The following SUGT1 variants were observed in gnomAD, a reference collection of about 807,000 sequenced individuals.
SUGT1 encodes the protein protein SGT1 homolog.
Under a neutral mutation model 56.1 loss-of-function variants are expected in SUGT1, and 15 were observed. That is an observed-to-expected ratio of 0.27 (90% CI 0.18 to 0.41). SUGT1 has a LOEUF of 0.41. Ranked by LOEUF, SUGT1 falls within the 10% of genes least tolerant of loss-of-function variation. SUGT1 has a pLI of 1.00. For missense variants in SUGT1, 347 were observed against 382.2 expected (o/e 0.91, Z 0.77); for synonymous variants, 123 against 128.6 (o/e 0.96, Z 0.30).
intron 8 of SUGT1, among the ~76,000 whole-genome samples, chr13:52,664,401 G>A (rs1328120781): frequency 6.6e-6 from 1 of 152,140 alleles, no homozygotes; most frequent in Non-Finnish European, 1.5e-5. Context: ...AACTTAACCT[G>A]CCTTTTATAT....
chr13:52,669,906 C>CAG (rs1962861591), intron 10 of SUGT1, among the ~76,000 whole-genome samples: 2 of 152,108 alleles, frequency 1.3e-5, no homozygotes, highest in South Asian at 2.1e-4. Context: ...GTTACTGAGG[C>CAG]TTACTTCGTG....
intron 10 of SUGT1, among the ~76,000 whole-genome samples, chr13:52,668,634 A>G (rs1334861462): frequency 6.6e-6 from 1 of 152,192 alleles, no homozygotes; most frequent in Non-Finnish European, 1.5e-5. Flanking sequence ...CACTGGTCCT[A>G]TCCACATAGT....
At chr13:52,657,997 G>A in intron 3 of SUGT1, 1 of 835,104 alleles carries the variant, frequency 1.2e-6, no homozygotes, top group Admixed American at 4.7e-5. Context: ...CAAAGCAGGA[G>A]GATCATTTGA....
At position 52,695,324 on chromosome 13, in the gene SUGT1, A is replaced by C. The variant is rs878936484; in HGVS notation, c.*7489A>C. On this transcript the variant is annotated 3_prime_UTR_variant, in exon 13 of 13. Transcript: ENST00000310528. ...TGACTTTAAAAAATTATACTTCACC[A>C]CAGAGACAGGTGTTGTTTTGTAATG... The C allele has an allele frequency of 2.0e-5, 3 of 152,170 alleles. No homozygotes were observed. Among genetic ancestry groups the C allele is most frequent in the African/African-American group, 7.2e-5 (3 of 41,434 alleles). The allele number at this position is 152,170 out of a possible 1,614,324, so 9.4% of individuals were successfully genotyped here.
intron 10 of SUGT1, among the ~76,000 whole-genome samples, chr13:52,674,444 A>G (rs1413700540): frequency 6.6e-6 from 1 of 152,206 alleles, no homozygotes; most frequent in Admixed American, 6.5e-5. Context: ...TTGAGACCAG[A>G]TACCCCACAT....
rs1431302341 is a variant in SUGT1, at chr13:52,687,693, A to T, written c.901-41A>T. 2.7e-6 allele frequency: 4 copies of T among 1,468,258 alleles called. No homozygotes were observed. In the East Asian group the frequency reaches 9.3e-5, roughly 34 times the overall value. The allele number at this position is 1,468,258 out of a possible 1,614,324, so 91.0% of individuals were successfully genotyped here. A position where few individuals can be genotyped will look rare whatever the true frequency, so the allele number is the denominator to read the frequency against. The stretch of plus-strand genomic sequence containing the variant: ...TTAAGAAAAATATTCTATTTTGATT[A>T]TATGGTCCAGGAATTAATCTATTTT... On this transcript the variant is annotated intron_variant, in intron 12 of 12. Transcript: ENST00000310528.
intron 6 of SUGT1, 79 bp from the exon 7 acceptor site, chr13:52,663,017 G>A: frequency 6.7e-7 from 1 of 1,485,860 alleles, no homozygotes; most frequent in South Asian, 1.2e-5. Flanking sequence ...CAGTATGTTT[G>A]TGCTATAGAA....
intron 2 of SUGT1, 111 bp downstream of exon 2, chr13:52,653,214 G>GT: frequency 7.7e-7 from 1 of 1,296,356 alleles, no homozygotes; most frequent in Non-Finnish European, 1.1e-6. Context: ...CCAGGCTCTT[G>GT]TTGATGCTGC....
chr13:52,683,622 T>A (rs1393898097), intron 12 of SUGT1, among the ~76,000 whole-genome samples: 7 of 152,236 alleles, frequency 4.6e-5, no homozygotes. Flanking sequence ...AAGCATTGCA[T>A]CCTCTTCTGT....
At chr13:52,665,259 C>G (rs1962647122) in intron 8 of SUGT1, among the ~76,000 whole-genome samples, 2 of 152,058 alleles carry the variant, frequency 1.3e-5, no homozygotes, top group Admixed American at 6.6e-5. Flanking sequence ...AAGTGTTTAT[C>G]TGTAGTATTT....
In SUGT1 at chr13:52,657,604, C is replaced by G. The variant is rs1336757729; in HGVS notation, c.169C>G (p.Leu57Val). The G allele has an allele frequency of 1.4e-5, 23 of 1,613,346 alleles. No homozygotes were observed. Among genetic ancestry groups the G allele is most frequent in the Non-Finnish European group, 1.9e-5 (23 of 1,179,654 alleles). Residue 57 changes from leucine (L) to valine (V), a missense_variant, in exon 3 of 13, where the codon CTT becomes GTT. Leu to Val is a conservative substitution (Grantham distance 32). Transcript: ENST00000310528. The part of the protein sequence containing the change: ...YYCQRAYCHI[L>V]LGNYCVAVAD... ...TTGTCAAAGAGCTTATTGTCACATT[C>G]TTCTTGGGAATTACTGTGGTAACGT...
At chr13:52,685,340 C>T (rs1198878296) in intron 12 of SUGT1, among the ~76,000 whole-genome samples, 1 of 151,030 alleles carries the variant, frequency 6.6e-6, no homozygotes, top group Non-Finnish European at 1.5e-5. Flanking sequence ...AGCAGTCCTC[C>T]TGCCTTGTCC....
chr13:52,663,416 G>A (rs1399935057), intron 7 of SUGT1, among the ~76,000 whole-genome samples: 1 of 152,062 alleles, frequency 6.6e-6, no homozygotes, highest in African/African-American at 2.4e-5. Flanking sequence ...CATTTATTTA[G>A]GTTCAACAGT....
chr13:52,665,141 T>C (rs1045204502), intron 8 of SUGT1, among the ~76,000 whole-genome samples: 2 of 152,194 alleles, frequency 1.3e-5, no homozygotes, highest in Non-Finnish European at 2.9e-5. Context: ...TTTTGTGTGC[T>C]CAAGTCTATC....
At chr13:52,669,719 A>G (rs1438377837) in intron 10 of SUGT1, among the ~76,000 whole-genome samples, 1 of 152,212 alleles carries the variant, frequency 6.6e-6, no homozygotes, top group Non-Finnish European at 1.5e-5. Context: ...ATATATATAT[A>G]TATGTGCACA....
chr13:52,684,445 T>C (rs1342059691), intron 12 of SUGT1, among the ~76,000 whole-genome samples: 1 of 151,902 alleles, frequency 6.6e-6, no homozygotes, highest in Non-Finnish European at 1.5e-5. Flanking sequence ...TATTCATTTC[T>C]ATTTTTATTT....
chr13:52,670,833 G>A (rs1012328847), intron 10 of SUGT1, among the ~76,000 whole-genome samples: 1 of 152,050 alleles, frequency 6.6e-6, no homozygotes, highest in African/African-American at 2.4e-5. Context: ...AAAAGAATTA[G>A]AATTCTCAGT....
At chr13:52,667,351 G>T (rs968508575) in intron 10 of SUGT1, among the ~76,000 whole-genome samples, 15 of 151,652 alleles carry the variant, frequency 9.9e-5, no homozygotes, top group African/African-American at 1.9e-4. Context: ...TGTTTTTTTT[G>T]TTGTTGTTGT....
rs1963751372 is a variant in SUGT1 at position 52,690,690 on chromosome 13, T to TCC, written c.*2855_*2856insCC. On this transcript the variant is annotated 3_prime_UTR_variant, in exon 13 of 13. Coordinates refer to ENST00000310528, the MANE Select transcript of SUGT1 (RefSeq NM_006704.5). The stretch of plus-strand genomic sequence containing the variant: ...ACAAGTTTGAAACATCAAGGTCAAT[T>TCC]TTGATAATTTCCTGTCTTATGTCTT... 1 of 152,130 alleles carries TCC rather than the reference T, an allele frequency of 6.6e-6. No homozygotes were observed. The highest frequency in any genetic ancestry group is 1.5e-5 in the Non-Finnish European group (1 of 68,020). 9.4% of individuals were successfully genotyped at this position (152,130 alleles called of 1,614,324 possible). A position where few individuals can be genotyped will look rare whatever the true frequency, so the allele number is the denominator to read the frequency against.
Sources: gnomAD v4.1 joint callset for allele counts (sites outside exome capture counted in the v4.1 genomes callset) on GRCh38, gnomAD v4.1.1 for gene constraint, MANE v1.5 for transcripts, NCBI Gene and HGNC (gene_info 2026-07-23, HGNC 2026-07-21) for gene names.